The following NRXN3 variants were observed in gnomAD, a reference collection of about 807,000 sequenced individuals.
The protein encoded by NRXN3 is neurexin III.
A neutral mutation model predicts 137.6 loss-of-function variants in NRXN3; 32 were observed. That is an observed-to-expected ratio of 0.23 (90% CI 0.18 to 0.31). The LOEUF (loss-of-function observed/expected upper bound fraction) is 0.31, where lower values mean the gene tolerates loss of function less well. Among genes scored for constraint, NRXN3 ranks in the 10% least tolerant of loss-of-function variants. The pLI is 1.00. For synonymous variants in NRXN3, 798 were observed against 784.5 expected (o/e 1.02, Z -0.29); for missense variants, 1,574 against 2,062.5 (o/e 0.76, Z 4.59).
intron 19 of NRXN3, among the ~76,000 whole-genome samples, chr14:79,783,252 C>T (rs985223281): frequency 6.6e-6 from 1 of 152,122 alleles, no homozygotes; most frequent in East Asian, 1.9e-4. Context: ...CAGTTAGTGA[C>T]GAGGCTGCAG....
At chr14:78,773,039 T>A (rs184069894) in intron 8 of NRXN3, among the ~76,000 whole-genome samples, 15 of 152,288 alleles carry the variant, frequency 9.8e-5, no homozygotes, top group African/African-American at 3.4e-4. Flanking sequence ...GATTGGCTCA[T>A]AATAAACTCT....
chr14:79,516,978 T>A (rs2096992723), intron 16 of NRXN3, among the ~76,000 whole-genome samples: 1 of 152,164 alleles, frequency 6.6e-6, no homozygotes, highest in African/African-American at 2.4e-5. Flanking sequence ...TTTGAGAGTA[T>A]GTGTTGAATA....
intron 4 of NRXN3, among the ~76,000 whole-genome samples, chr14:78,479,393 A>C (rs1339518993): frequency 6.6e-6 from 1 of 152,196 alleles, no homozygotes; most frequent in Non-Finnish European, 1.5e-5. Context: ...GATTCATTAG[A>C]TCTGGGATGG....
chr14:79,456,866 G>T (rs2096265527), intron 15 of NRXN3, among the ~76,000 whole-genome samples: 1 of 152,022 alleles, frequency 6.6e-6, no homozygotes, highest in South Asian at 2.1e-4. Flanking sequence ...AAAATGATAA[G>T]ATTTTTCTCT....
chr14:78,235,118 A>G (rs1327239956), intron 1 of NRXN3, among the ~76,000 whole-genome samples: 2 of 150,230 alleles, frequency 1.3e-5, no homozygotes, highest in Non-Finnish European at 3.0e-5. Flanking sequence ...TGTACCTTCC[A>G]TCCTTATGGG....
intron 4 of NRXN3, among the ~76,000 whole-genome samples, chr14:78,378,772 AAAGAG>A (rs1225390919): frequency 2.6e-5 from 4 of 152,182 alleles, no homozygotes; most frequent in Admixed American, 6.5e-5. Context: ...AGGAAAGAAT[AAAGAG>A]AAGAGCAGCA....
intron 5 of NRXN3, among the ~76,000 whole-genome samples, chr14:78,647,968 CAA>C (rs1343574512): frequency 6.6e-6 from 1 of 152,104 alleles, no homozygotes; most frequent in East Asian, 1.9e-4. Flanking sequence ...GCTTTTATGA[CAA>C]AAATTCATTG....
At chr14:78,913,181 T>C (rs1327500407) in intron 10 of NRXN3, among the ~76,000 whole-genome samples, 1 of 152,050 alleles carries the variant, frequency 6.6e-6, no homozygotes, top group East Asian at 1.9e-4. Context: ...AATTCCATTT[T>C]TACAGCTTCC....
chr14:78,514,219 T>C (rs2096163928), intron 4 of NRXN3, among the ~76,000 whole-genome samples: 1 of 152,152 alleles, frequency 6.6e-6, no homozygotes, highest in South Asian at 2.1e-4. Context: ...CACAGAGTTG[T>C]ATATAGTATA....
intron 15 of NRXN3, among the ~76,000 whole-genome samples, chr14:79,245,534 C>CT (rs757064828): frequency 2.6e-5 from 4 of 152,110 alleles, no homozygotes; most frequent in African/African-American, 4.8e-5. Context: ...TTCATCTTTC[C>CT]TAAGCCTCAG....
chr14:78,448,061 C>T (rs1234020202), intron 4 of NRXN3, among the ~76,000 whole-genome samples: 1 of 152,148 alleles, frequency 6.6e-6, no homozygotes, highest in African/African-American at 2.4e-5. Context: ...TTAAAAATCT[C>T]ACTCCTTTAA....
intron 15 of NRXN3, among the ~76,000 whole-genome samples, chr14:79,291,726 A>T (rs1284140858): frequency 1.3e-5 from 2 of 151,042 alleles, no homozygotes; most frequent in Non-Finnish European, 3.0e-5. Flanking sequence ...CAGTATACTG[A>T]AAACAGTACA....
intron 16 of NRXN3, among the ~76,000 whole-genome samples, chr14:79,647,810 C>T (rs987818410): frequency 1.5e-5 from 2 of 135,200 alleles, no homozygotes; most frequent in African/African-American, 4.9e-5. Context: ...TGCTAGATGC[C>T]TGCATATGTT....
chr14:79,655,940 C>A (rs2098503353), intron 16 of NRXN3, among the ~76,000 whole-genome samples: 1 of 152,196 alleles, frequency 6.6e-6, no homozygotes, highest in Non-Finnish European at 1.5e-5. Flanking sequence ...CTGGGCCTCA[C>A]ACTAGAGTTT....
chr14:79,604,534 C>CTTT (rs60892453), intron 16 of NRXN3, among the ~76,000 whole-genome samples: 7 of 145,366 alleles, frequency 4.8e-5, no homozygotes, highest in South Asian at 2.2e-4. Flanking sequence ...TGCTCCCGGA[C>CTTT]TTTTTTTTTT....
At chr14:78,541,343 T>TC (rs2153820135) in intron 4 of NRXN3, among the ~76,000 whole-genome samples, 1 of 152,322 alleles carries the variant, frequency 6.6e-6, no homozygotes, top group South Asian at 2.1e-4. Context: ...AACCTTGTCT[T>TC]CTTGCTTTAT....
intron 4 of NRXN3, among the ~76,000 whole-genome samples, chr14:78,425,165 C>T (rs1330859132): frequency 6.6e-6 from 1 of 152,200 alleles, no homozygotes; most frequent in Non-Finnish European, 1.5e-5. Context: ...CCTGCTTCTG[C>T]CACTTCCTCG....
intron 4 of NRXN3, among the ~76,000 whole-genome samples, chr14:78,608,918 G>T (rs554512969): frequency 6.6e-6 from 1 of 152,140 alleles, no homozygotes; most frequent in Non-Finnish European, 1.5e-5. Context: ...AGATTGGTAA[G>T]GTGGGGGTGG....
chr14:78,274,242 A>G (rs1327772157), intron 2 of NRXN3, among the ~76,000 whole-genome samples: 1 of 152,152 alleles, frequency 6.6e-6, no homozygotes, highest in Admixed American at 6.5e-5. Flanking sequence ...GAGACTGGGT[A>G]ATTTATAAAG....
Sources: allele counts gnomAD v4.1 joint callset (sites outside exome capture counted in the v4.1 genomes callset), GRCh38; gene constraint gnomAD v4.1.1; transcripts MANE v1.5; gene names NCBI Gene and HGNC (gene_info 2026-07-23, HGNC 2026-07-21).